The following ZDHHC19 variants were observed in gnomAD, a reference collection of about 807,000 sequenced individuals.
ZDHHC19 encodes the protein palmitoyltransferase ZDHHC19.
Under a neutral mutation model 33.9 loss-of-function variants are expected in ZDHHC19, and 30 were observed. The observed-to-expected ratio is 0.88, with a 90% CI of 0.66 to 1.20. ZDHHC19 has a LOEUF of 1.20. Ranked by LOEUF, ZDHHC19 falls within the 50% of genes most tolerant of loss-of-function variation. The pLI is 0.00. For missense variants in ZDHHC19, 364 were observed against 401.1 expected, an observed-to-expected ratio of 0.91 and a Z score of 0.79; for synonymous variants, 178 against 167.6, an observed-to-expected ratio of 1.06 and a Z score of -0.48.
In ZDHHC19 at chr3:196,198,350, G is replaced by A. The variant is rs1166112259; in HGVS notation, c.875C>T (p.Pro292Leu). 1.3e-6 allele frequency: 2 copies of A among 1,519,976 alleles called. No individual in the cohort carries two copies. The highest frequency in any genetic ancestry group is 1.4e-5 in the African/African-American group (1 of 71,870). The allele number at this position is 1,519,976 out of a possible 1,614,324, so 94.2% of individuals were successfully genotyped here. ...TTGTAGGGACCCAGAGGTTGGGGCTGGGGGGTTGAGAGCAGAGGGGGACAT... is the reference window on the plus strand; with the variant it reads ...TTGTAGGGACCCAGAGGTTGGGGCTAGGGGGTTGAGAGCAGAGGGGGACAT... Reference protein sequence around the residue: ...PPMSPSALNPPAPTSGSLQSR... With the variant: ...PPMSPSALNPLAPTSGSLQSR... The change falls in exon 7 of 8, where the codon CCA becomes CTA. Residue 292 changes from proline to leucine, a missense_variant. By Grantham distance (98) the Pro-to-Leu change is moderately conservative. Transcript: ENST00000296326.
intron 2 of ZDHHC19, 48 bp downstream of exon 2, chr3:196,210,568 C>T: frequency 5.6e-6 from 9 of 1,612,552 alleles, no homozygotes; most frequent in Non-Finnish European, 5.9e-6. Flanking sequence ...CCTGCAGGTT[C>T]CCAGCCCTTG....
At chr3:196,207,368 T>G in intron 5 of ZDHHC19, 30 bp downstream of exon 5, 1 of 1,539,432 alleles carries the variant, frequency 6.5e-7, no homozygotes, top group Non-Finnish European at 8.8e-7. Context: ...GTCCCCGAGG[T>G]GCAAGCTGAC....
At chr3:196,207,068 C>T (rs968074057) in intron 5 of ZDHHC19, among the ~76,000 whole-genome samples, 6 of 152,180 alleles carry the variant, frequency 3.9e-5, no homozygotes, top group Non-Finnish European at 8.8e-5. Context: ...GGACCGGCCC[C>T]CTCTCTGAGT....
Position 196,197,712 on chromosome 3 carries a change from G to C in ZDHHC19, c.*33C>G, listed in dbSNP as rs1054090661. The stretch of plus-strand genomic sequence containing the variant: ...CTCCTGCAGCAGCAGGGGCAGCACT[G>C]GGCCCGTGTGGAACTAAACACAGAA... On this transcript the variant is annotated 3_prime_UTR_variant, in exon 8 of 8. Transcript: ENST00000296326. The surrounding 1 kb of genome is among the most constrained non-coding windows in gnomAD (Gnocchi z 4.4). The C allele has an allele frequency of 5.2e-5, 8 of 152,506 alleles. No individual in the cohort carries two copies. The highest frequency in any genetic ancestry group is 1.4e-4 in the African/African-American group (6 of 41,426). 9.4% of individuals were successfully genotyped at this position (152,506 alleles called of 1,614,324 possible).
chr3:196,202,452 G>GA (rs1190761309), intron 5 of ZDHHC19: 13 of 152,448 alleles, frequency 8.5e-5, no homozygotes, highest in African/African-American at 2.6e-4. Context: ...TTGCCGTCAA[G>GA]AAAAAATAAA....
chr3:196,204,382 C>T (rs191620925), intron 5 of ZDHHC19, among the ~76,000 whole-genome samples: 134 of 152,222 alleles, frequency 8.8e-4, no homozygotes, highest in Non-Finnish European at 1.3e-3. Flanking sequence ...TCGAAGAAGA[C>T]GTAAATAAAT....
At chr3:196,211,029 C>G in intron 1 of ZDHHC19, 141 bp downstream of exon 1, 1 of 1,407,112 alleles carries the variant, frequency 7.1e-7, no homozygotes, top group East Asian at 2.5e-5. Context: ...CACCTTTGCA[C>G]GTCGGTTCCC....
rs550075729 is a variant in ZDHHC19, at chr3:196,209,394, C to T, written c.390G>A (p.Trp130Ter). The T allele has an allele frequency of 1.2e-6, 2 of 1,603,948 alleles. No homozygotes were observed. Among genetic ancestry groups the T allele is most frequent in the Non-Finnish European group, 1.7e-6 (2 of 1,175,722 alleles). ...CACTCACCTCCACACAGATGTTGCACCAGGGGCAGTGGTAAGTCCGGGGCG... is the reference window on the plus strand; with the variant it reads ...CACTCACCTCCACACAGATGTTGCATCAGGGGCAGTGGTAAGTCCGGGGCG... Reference protein sequence around the residue: ...HRPPRTYHCPWCNICVEDFDH... With the variant: ...HRPPRTYHCP The change falls in exon 3 of 8, where the codon TGG becomes TGA. Residue 130 changes from tryptophan (W) to a stop codon, truncating the protein, a stop_gained. Coordinates refer to ENST00000296326, the MANE Select transcript of ZDHHC19 (RefSeq NM_001039617.2). LOFTEE classifies it high-confidence loss of function.
chr3:196,198,922 G>C, intron 5 of ZDHHC19, 48 bp from the exon 6 acceptor site: 1 of 1,587,100 alleles, frequency 6.3e-7, no homozygotes, highest in Non-Finnish European at 8.6e-7. Flanking sequence ...CAGCAGGAAT[G>C]GCTGGGCCAT....
rs773996505 is a variant in ZDHHC19, at chr3:196,209,221, T to C, written c.408+155A>G. ...AGGACAGGTGCAGGTGGAGAACACA[T>C]GAGTGACCAAGGGTGGCTGGGAGTT... On this transcript the variant is annotated intron_variant, in intron 3 of 7. Transcript: ENST00000296326. 6.4e-4 allele frequency: 676 copies of C among 1,050,730 alleles called. 1 individual carries two copies. Among genetic ancestry groups the C allele is most frequent in the Non-Finnish European group, 6.7e-4 (497 of 739,298 alleles). The allele number at this position is 1,050,730 out of a possible 1,614,324, so 65.1% of individuals were successfully genotyped here. A position where few individuals can be genotyped will look rare whatever the true frequency, so the allele number is the denominator to read the frequency against.
chr3:196,210,384 AAGG>A (rs1723175622), intron 2 of ZDHHC19, among the ~76,000 whole-genome samples: 1 of 30,554 alleles, frequency 3.3e-5, no homozygotes, highest in Non-Finnish European at 7.4e-5. Context: ...AAGAGAGAGG[AAGG>A]AAGGAAAGAA....
intron 5 of ZDHHC19, among the ~76,000 whole-genome samples, chr3:196,207,063 G>C (rs571485658): frequency 6.6e-6 from 1 of 152,122 alleles, no homozygotes; most frequent in Non-Finnish European, 1.5e-5. Context: ...GCTCAGGACC[G>C]GCCCCCTCTC....
In ZDHHC19 at chr3:196,209,461, G is replaced by A. The variant is rs759384524; in HGVS notation, c.323C>T (p.Ala108Val). 6.2e-7 allele frequency: 1 copy of A among 1,612,198 alleles called. No homozygotes were observed. Among genetic ancestry groups the A allele is most frequent in the Non-Finnish European group, 8.5e-7 (1 of 1,179,436 alleles). Residue 108 changes from alanine to valine, a missense_variant, in exon 3 of 8, where the codon GCC (alanine) becomes GTC (valine). By Grantham distance (64) the Ala-to-Val change is moderately conservative (BLOSUM62 0). Transcript: ENST00000296326. ...CTTTGGACACCATTGCAGGCGGAAG[G>A]CCCCGTGGTTCACCCACACCACGTG... ...TVHVVWVNHGAFRLQWCPKCC... is the reference protein window; with the variant it reads ...TVHVVWVNHGVFRLQWCPKCC...
chr3:196,198,587 A>T lies in ZDHHC19; in HGVS notation c.774-136T>A, dbSNP rs1106480. The T allele has an allele frequency of 8.4e-6, 13 of 1,549,080 alleles. No individual in the cohort carries two copies. The African/African-American group carries it at 9.5e-5, about 11-fold the overall frequency. On this transcript the variant is annotated intron_variant, in intron 6 of 7. Coordinates refer to ENST00000296326, the MANE Select transcript of ZDHHC19 (RefSeq NM_001039617.2). ...AGGCCAGCCTCATCCAGGATGCAGC[A>T]GCCCTGTATGCCATAGTGGGGCAGG... is the stretch of plus-strand genomic sequence containing the variant.
Position 196,200,653 on chromosome 3 carries a change from CTTT to C in ZDHHC19, c.688-1782_688-1780del, listed in dbSNP as rs71621224. Among the ~76,000 whole-genome samples the C allele has an allele frequency of 1.0e-3, 134 of 129,798 alleles. 2 individuals carry two copies. Among genetic ancestry groups the C allele is most frequent in the African/African-American group, 1.7e-3 (59 of 34,244 alleles). The allele number at this position is 129,798 out of a possible 152,430, so 85.2% of individuals were successfully genotyped here. On this transcript the variant is annotated intron_variant, in intron 5 of 7. Transcript: ENST00000296326. ...ACAAGCGTGAGCCACCACGCCTGGC[CTTT>C]TTTTTTTTTTTTTTTAGACGCAGTT...
At chr3:196,200,556 G>T (rs67751943) in intron 5 of ZDHHC19, among the ~76,000 whole-genome samples, 4 of 148,718 alleles carry the variant, frequency 2.7e-5, no homozygotes, top group East Asian at 2.0e-4. Flanking sequence ...GGGTTTCACC[G>T]TGTTAGCCAG....
rs1357717294 is a variant in ZDHHC19 at position 196,198,310 on chromosome 3, G to T, written c.915C>A (p.Thr305=). ...AGCTGCAGCCTCACCACGCCCCGGG[G>T]GTCCCTTCCCTGCTTTGTAGGGACC... ...TSGSLQSREG[T]PGAW The change falls in exon 7 of 8, where the codon ACC becomes ACA. Residue 305 remains threonine (T), a synonymous_variant. Coordinates refer to ENST00000296326, the MANE Select transcript of ZDHHC19 (RefSeq NM_001039617.2). 1 of 1,504,270 alleles carries T rather than the reference G, an allele frequency of 6.6e-7. No homozygotes were observed. Among genetic ancestry groups the T allele is most frequent in the African/African-American group, 1.4e-5 (1 of 71,536 alleles). The allele number at this position is 1,504,270 out of a possible 1,614,324, so 93.2% of individuals were successfully genotyped here.
Position 196,208,474 on chromosome 3 carries a change from G to A in ZDHHC19, c.495C>T (p.Cys165=), listed in dbSNP as rs747019894. The A allele has an allele frequency of 1.2e-6, 2 of 1,614,198 alleles. No homozygotes were observed. Among genetic ancestry groups the A allele is most frequent in the South Asian group, 2.2e-5 (2 of 91,084 alleles). The change falls in exon 4 of 8, where the codon TGC becomes TGT. Residue 165 remains cysteine (C), a synonymous_variant. Coordinates refer to ENST00000296326, the MANE Select transcript of ZDHHC19 (RefSeq NM_001039617.2). ...RFFMLLVLSL[C]LYSGAMLVTC... ...TGACCAGCATGGCGCCCGAGTAGAG[G>A]CACAGGGACAGGACAAGCAGCATGA...
In ZDHHC19 at chr3:196,208,379, G is replaced by A; in HGVS notation, c.581+9C>T. The stretch of plus-strand genomic sequence containing the variant: ...GCCTCCTCTCCTGCTTCCCCACGTG[G>A]GCGGATACGCGATGGCCTTGTCGGT... On this transcript the variant is annotated intron_variant, in intron 4 of 7. Transcript: ENST00000296326. 1 of 1,613,412 alleles carries A rather than the reference G, an allele frequency of 6.2e-7. No individual in the cohort carries two copies. The highest frequency in any genetic ancestry group is 8.5e-7 in the Non-Finnish European group (1 of 1,179,846).
Sources: gnomAD v4.1 joint callset for allele counts (sites outside exome capture counted in the v4.1 genomes callset) on GRCh38, gnomAD v4.1.1 for gene constraint, Gnocchi (gnomAD v3.1) non-coding constraint, MANE v1.5 for transcripts, NCBI Gene and HGNC (gene_info 2026-07-23, HGNC 2026-07-21) for gene names.